Variants in KLF8 observed in about 807,000 individuals in gnomAD.
The protein encoded by KLF8 is Krueppel-like factor 8.
In KLF8, 10 loss-of-function variants were observed where a neutral mutation model predicts 18.2. The observed-to-expected ratio is 0.55, with a 90% CI of 0.34 to 0.93. KLF8 has a LOEUF of 0.93. Ranked by LOEUF, KLF8 falls within the 40% of genes least tolerant of loss-of-function variation. The probability of loss-of-function intolerance (pLI) is 0.02; values close to 1 mark genes in which losing one functional copy is unlikely to be tolerated. For missense variants in KLF8, 264 were observed against 277.9 expected, an observed-to-expected ratio of 0.95 and a Z score of 0.36; for synonymous variants, 109 against 97.3, an observed-to-expected ratio of 1.12 and a Z score of -0.71.
the KLF8 span, among the ~76,000 whole-genome samples, chrX:56,050,612 A>T: frequency 1.8e-5 from 2 of 112,090 alleles, no homozygotes; most frequent in African/African-American, 3.2e-5. Flanking sequence ...TTCTAGTTTG[A>T]TTGCACTGTT....
chrX:55,958,529 A>G, the KLF8 span, among the ~76,000 whole-genome samples: 1 of 111,877 alleles, frequency 8.9e-6, no homozygotes, highest in Non-Finnish European at 1.9e-5. Context: ...TGTTCCCTAT[A>G]CCCAAATAAA....
chrX:56,200,452 C>T, the KLF8 span, among the ~76,000 whole-genome samples: 2 of 109,993 alleles, frequency 1.8e-5, no homozygotes, highest in Non-Finnish European at 3.8e-5. Context: ...TGAAATTGGG[C>T]CTTTAGCTTA....
At chrX:55,943,111 A>G in the KLF8 span, among the ~76,000 whole-genome samples, 1 of 110,858 alleles carries the variant, frequency 9.0e-6, no homozygotes, top group Non-Finnish European at 1.9e-5. Context: ...AGAACAAAGG[A>G]TTATTTTTAA....
the KLF8 span, among the ~76,000 whole-genome samples, chrX:56,162,225 AC>A: frequency 8.9e-6 from 1 of 112,058 alleles, no homozygotes; most frequent in African/African-American, 3.2e-5. Context: ...TCATGGACCC[AC>A]TTGCGGAGGC....
the KLF8 span, among the ~76,000 whole-genome samples, chrX:56,142,750 A>G: frequency 1.8e-5 from 2 of 111,513 alleles, no homozygotes; most frequent in African/African-American, 6.5e-5. Flanking sequence ...TGACAATTCC[A>G]TCTTTTCATT....
At chrX:56,150,053 G>C in the KLF8 span, among the ~76,000 whole-genome samples, 1 of 111,924 alleles carries the variant, frequency 8.9e-6, no homozygotes, top group South Asian at 3.7e-4. Context: ...AGGTCCACTT[G>C]GAGTAAAGAC....
rs2067267944 is a variant in KLF8 at position 56,286,334 on chromosome X, G to A, written c.*1840G>A. On this transcript the variant is annotated 3_prime_UTR_variant, in exon 6 of 6. Transcript: ENST00000468660. ...CACCTAGCTAAGTTTTGTATTATTA[G>A]TAGAGATGGGGTTTCGCCATGTTGG... 1 of 110,973 alleles carries A rather than the reference G, an allele frequency of 9.0e-6. No individual in the cohort carries two copies. The highest frequency in any genetic ancestry group is 1.9e-5 in the Non-Finnish European group (1 of 53,034). The allele number at this position is 110,973 out of a possible 1,213,427, so 9.1% of individuals were successfully genotyped here.
chrX:56,230,746 T>G (rs1312542671), upstream of KLF8, among the ~76,000 whole-genome samples: 1 of 111,263 alleles, frequency 9.0e-6, no homozygotes, highest in Non-Finnish European at 1.9e-5. Flanking sequence ...ACTATTATTA[T>G]TGTTAATAAT....
chrX:56,019,389 C>T, the KLF8 span, among the ~76,000 whole-genome samples: 2 of 112,233 alleles, frequency 1.8e-5, no homozygotes, highest in South Asian at 3.7e-4. Flanking sequence ...GCTGAGAATA[C>T]CTAGGAATAA....
chrX:55,921,392 G>C, the KLF8 span, among the ~76,000 whole-genome samples: 1 of 111,816 alleles, frequency 8.9e-6, no homozygotes, highest in African/African-American at 3.2e-5. Context: ...ATGTTCCATT[G>C]ATCTATGTAT....
At chrX:56,183,082 G>A in the KLF8 span, among the ~76,000 whole-genome samples, 1 of 112,407 alleles carries the variant, frequency 8.9e-6, no homozygotes, top group South Asian at 3.7e-4. Context: ...AGTCTACAGA[G>A]GCAAGTAAGC....
chrX:56,186,914 G>C, the KLF8 span, among the ~76,000 whole-genome samples: 9 of 111,854 alleles, frequency 8.0e-5, no homozygotes, highest in African/African-American at 2.9e-4. Flanking sequence ...ATGCCCACAA[G>C]AGAAAGCAGG....
chrX:56,056,505 T>G, the KLF8 span, among the ~76,000 whole-genome samples: 1 of 106,567 alleles, frequency 9.4e-6, no homozygotes. Flanking sequence ...TGTAGGGACA[T>G]GGATGAAACT....
At chrX:56,180,378 G>A in the KLF8 span, among the ~76,000 whole-genome samples, 1 of 110,251 alleles carries the variant, frequency 9.1e-6, no homozygotes, top group African/African-American at 3.3e-5. Context: ...AGTCTTCTTA[G>A]CAGTGTATCA....
the KLF8 span, among the ~76,000 whole-genome samples, chrX:56,030,912 G>A: frequency 9.1e-6 from 1 of 109,560 alleles, no homozygotes; most frequent in African/African-American, 3.3e-5. Flanking sequence ...CCACTGTGGG[G>A]GATCTAAAAC....
At chrX:56,157,797 G>T in the KLF8 span, among the ~76,000 whole-genome samples, 1 of 111,505 alleles carries the variant, frequency 9.0e-6, no homozygotes, top group African/African-American at 3.3e-5. Context: ...TTAGCCCTTT[G>T]TCAGATGAGT....
the KLF8 span, among the ~76,000 whole-genome samples, chrX:56,129,307 T>C: frequency 9.0e-6 from 1 of 111,655 alleles, no homozygotes; most frequent in South Asian, 3.8e-4. Flanking sequence ...GGAAGAGGAT[T>C]ACTCCTGCAG....
chrX:55,980,909 T>C, the KLF8 span, among the ~76,000 whole-genome samples: 149 of 112,537 alleles, frequency 1.3e-3, 1 homozygote, highest in African/African-American at 4.6e-3. Flanking sequence ...TTATTTTAAG[T>C]AGGCCGGGCC....
chrX:56,206,609 C>A, the KLF8 span, among the ~76,000 whole-genome samples: 1 of 112,559 alleles, frequency 8.9e-6, no homozygotes, highest in African/African-American at 3.2e-5. Context: ...ACTCTCATGG[C>A]CTTGGGCATC....
Sources: gnomAD v4.1 joint callset for allele counts (sites outside exome capture counted in the v4.1 genomes callset) on GRCh38, gnomAD v4.1.1 for gene constraint, MANE v1.5 for transcripts, NCBI Gene and HGNC (gene_info 2026-07-23, HGNC 2026-07-21) for gene names.